The following CDKAL1 variants were observed in gnomAD, a reference collection of about 807,000 sequenced individuals.
CDKAL1 encodes the protein threonylcarbamoyladenosine tRNA methylthiotransferase.
Under a neutral mutation model 68.2 loss-of-function variants are expected in CDKAL1, and 32 were observed. That is an observed-to-expected ratio of 0.47 (90% CI 0.35 to 0.63). The LOEUF (loss-of-function observed/expected upper bound fraction) is 0.63. Among genes scored for constraint, CDKAL1 ranks in the 30% least tolerant of loss-of-function variants. The pLI is 0.00. For synonymous variants in CDKAL1, 234 were observed against 244.3 expected (o/e 0.96, Z 0.39); for missense variants, 606 against 696.7 (o/e 0.87, Z 1.47).
intron 4 of CDKAL1, among the ~76,000 whole-genome samples, chr6:20,602,490 G>T (rs1766145826): frequency 1.3e-5 from 2 of 152,158 alleles, no homozygotes; most frequent in South Asian, 4.1e-4. Flanking sequence ...AATGGGGTTA[G>T]CTTGCTATTA....
intron 4 of CDKAL1, among the ~76,000 whole-genome samples, chr6:20,569,408 C>G (rs928735797): frequency 6.6e-6 from 1 of 152,204 alleles, no homozygotes; most frequent in Admixed American, 6.5e-5. Flanking sequence ...CTTGAGGCAT[C>G]TGGCCAGTGT....
At chr6:20,720,130 G>C (rs987797599) in intron 5 of CDKAL1, among the ~76,000 whole-genome samples, 5 of 152,112 alleles carry the variant, frequency 3.3e-5, no homozygotes, top group African/African-American at 1.2e-4. Flanking sequence ...TTATGGCATA[G>C]GGAAGTTACT....
At chr6:20,672,202 CCTTCCTTTCTTT>C (rs1170982723) in intron 5 of CDKAL1, among the ~76,000 whole-genome samples, 3 of 148,270 alleles carry the variant, frequency 2.0e-5, no homozygotes, top group African/African-American at 5.0e-5. Context: ...CTCTTTCTTT[CCTTCCTTTCTTT>C]CTTCCTTTCT....
chr6:20,676,473 C>T (rs555510919), intron 5 of CDKAL1, among the ~76,000 whole-genome samples: 7 of 152,098 alleles, frequency 4.6e-5, no homozygotes, highest in Middle Eastern at 3.4e-3. Context: ...CGAGACCATC[C>T]TGGCTAACAT....
chr6:21,095,205 G>A (rs1342990751), intron 12 of CDKAL1, among the ~76,000 whole-genome samples: 3 of 152,208 alleles, frequency 2.0e-5, no homozygotes, highest in Non-Finnish European at 4.4e-5. Flanking sequence ...GCCCCTGAAA[G>A]TATGCTTCTT....
rs561814311 is a variant in CDKAL1 at position 21,017,598 on chromosome 6, G to A, written c.1055+17226G>A. On this transcript the variant is annotated intron_variant, in intron 11 of 15. Coordinates refer to ENST00000274695, the MANE Select transcript of CDKAL1 (RefSeq NM_017774.3). ...ACCTATGTGCACCATATAGTTTAAG[G>A]CAAAATAACCGTATTCTGTAGTAAA... Among the ~76,000 whole-genome samples the A allele has an allele frequency of 3.7e-4, 56 of 152,188 alleles. 1 individual carries two copies. The highest frequency in any genetic ancestry group is 1.3e-3 in the African/African-American group (52 of 41,522).
intron 10 of CDKAL1, among the ~76,000 whole-genome samples, chr6:20,961,051 T>C (rs1765031390): frequency 6.6e-6 from 1 of 152,180 alleles, no homozygotes; most frequent in African/African-American, 2.4e-5. Flanking sequence ...GTTTCGTGAA[T>C]TGGCTGATAG....
intron 15 of CDKAL1, among the ~76,000 whole-genome samples, chr6:21,220,125 A>T (rs1211278530): frequency 1.3e-5 from 2 of 152,108 alleles, no homozygotes; most frequent in African/African-American, 4.8e-5. Flanking sequence ...ACTATCATGA[A>T]TGTTGGGATT....
intron 15 of CDKAL1, among the ~76,000 whole-genome samples, chr6:21,203,858 G>T (rs530269631): frequency 6.6e-6 from 1 of 151,864 alleles, no homozygotes; most frequent in African/African-American, 2.4e-5. Context: ...CACCACACCC[G>T]GCTAATCACT....
Position 21,232,011 on chromosome 6 carries a change from T to TG in CDKAL1, c.*972_*973insG, listed in dbSNP as rs1779996528. ...ATTGGGGTTTTTTTTTTGTTTTTGTTTTTTTTTTTTTTTGAGTCAAGGTCT... is the reference window on the plus strand; with the variant it reads ...ATTGGGGTTTTTTTTTTGTTTTTGTTGTTTTTTTTTTTTTGAGTCAAGGTCT... On this transcript the variant is annotated 3_prime_UTR_variant, in exon 16 of 16. Coordinates refer to ENST00000274695, the MANE Select transcript of CDKAL1 (RefSeq NM_017774.3). 1 of 144,388 alleles carries TG rather than the reference T, an allele frequency of 6.9e-6. No individual in the cohort carries two copies. Among genetic ancestry groups the TG allele is most frequent in the Admixed American group, 7.2e-5 (1 of 13,950 alleles). The allele number at this position is 144,388 out of a possible 1,614,324, so 8.9% of individuals were successfully genotyped here. A position where few individuals can be genotyped will look rare whatever the true frequency, so the allele number is the denominator to read the frequency against.
At chr6:20,923,165 C>T (rs1763034596) in intron 9 of CDKAL1, among the ~76,000 whole-genome samples, 1 of 152,214 alleles carries the variant, frequency 6.6e-6, no homozygotes, top group African/African-American at 2.4e-5. Flanking sequence ...AAGCAATCCT[C>T]CAGCCTCCGC....
chr6:21,229,875 TG>T (rs929697645), intron 15 of CDKAL1, among the ~76,000 whole-genome samples: 1 of 152,188 alleles, frequency 6.6e-6, no homozygotes, highest in Admixed American at 6.5e-5. Context: ...TCCGCTTCCC[TG>T]GACACCAGCT....
intron 14 of CDKAL1, among the ~76,000 whole-genome samples, chr6:21,198,686 G>A (rs1026658655): frequency 6.6e-6 from 1 of 152,234 alleles, no homozygotes; most frequent in Non-Finnish European, 1.5e-5. Flanking sequence ...AGACCAGTGT[G>A]AGGATCAAAC....
At chr6:21,175,123 G>C (rs1014261304) in intron 13 of CDKAL1, among the ~76,000 whole-genome samples, 1 of 152,166 alleles carries the variant, frequency 6.6e-6, no homozygotes, top group African/African-American at 2.4e-5. Flanking sequence ...ACATAAAATA[G>C]AGTCAAGAAT....
At chr6:20,594,988 GA>G (rs1166475182) in intron 4 of CDKAL1, among the ~76,000 whole-genome samples, 4 of 152,172 alleles carry the variant, frequency 2.6e-5, no homozygotes, top group Admixed American at 6.5e-5. Flanking sequence ...TAAGAATGTT[GA>G]ATATTGGCCG....
intron 5 of CDKAL1, among the ~76,000 whole-genome samples, chr6:20,673,967 TCTTTGTTGC>T (rs1481175289): frequency 2.0e-5 from 3 of 152,204 alleles, no homozygotes; most frequent in Non-Finnish European, 4.4e-5. Flanking sequence ...TGTTTTATGT[TCTTTGTTGC>T]CTTTGTAAAT....
chr6:20,903,865 G>C (rs900428623), intron 9 of CDKAL1, among the ~76,000 whole-genome samples: 2 of 152,188 alleles, frequency 1.3e-5, no homozygotes, highest in Admixed American at 6.5e-5. Context: ...TCCCCAACTA[G>C]ACAACAAATG....
At chr6:21,001,032 G>T (rs1488026351) in intron 11 of CDKAL1, among the ~76,000 whole-genome samples, 1 of 152,164 alleles carries the variant, frequency 6.6e-6, no homozygotes, top group Non-Finnish European at 1.5e-5. Flanking sequence ...ACCAAACATT[G>T]ACTGCCTTCT....
At chr6:20,670,918 A>G (rs1769782545) in intron 5 of CDKAL1, among the ~76,000 whole-genome samples, 1 of 152,160 alleles carries the variant, frequency 6.6e-6, no homozygotes, top group Non-Finnish European at 1.5e-5. Context: ...GGTTTATTCA[A>G]CTACTTTCCC....
Sources: gnomAD v4.1 joint callset for allele counts (sites outside exome capture counted in the v4.1 genomes callset) on GRCh38, gnomAD v4.1.1 for gene constraint, MANE v1.5 for transcripts, NCBI Gene and HGNC (gene_info 2026-07-23, HGNC 2026-07-21) for gene names.